CSMD3: variants seen among roughly 807,000 people sequenced by gnomAD.
The protein encoded by CSMD3 is CUB and sushi domain-containing protein 3.
In CSMD3, 177 loss-of-function variants were observed where a neutral mutation model predicts 435.2. The observed-to-expected ratio is 0.41, with a 90% CI of 0.36 to 0.46. The LOEUF (loss-of-function observed/expected upper bound fraction) is 0.46, where lower values mean the gene tolerates loss of function less well. Ranked by LOEUF, CSMD3 falls within the 20% of genes least tolerant of loss-of-function variation. The pLI is 0.34. For missense variants in CSMD3, 4,265 were observed against 4,504.6 expected, an observed-to-expected ratio of 0.95 and a Z score of 1.52; for synonymous variants, 1,656 against 1,520.5, an observed-to-expected ratio of 1.09 and a Z score of -2.07.
chr8:113,027,847 T>C (rs572023570), intron 5 of CSMD3, among the ~76,000 whole-genome samples: 2 of 152,206 alleles, frequency 1.3e-5, no homozygotes, highest in South Asian at 4.1e-4. Context: ...ATGGATCTTA[T>C]AGATCTGGGT....
chr8:112,348,621 G>T (rs1323318291), intron 40 of CSMD3, among the ~76,000 whole-genome samples: 1 of 152,068 alleles, frequency 6.6e-6, no homozygotes, highest in African/African-American at 2.4e-5. Flanking sequence ...AATGGGTCAG[G>T]TGCGGTGGTT....
At chr8:113,161,935 A>G (rs954502840) in intron 4 of CSMD3, among the ~76,000 whole-genome samples, 2 of 152,190 alleles carry the variant, frequency 1.3e-5, no homozygotes, top group Non-Finnish European at 2.9e-5. Context: ...TACACGTTAT[A>G]CATGACTAAA....
intron 13 of CSMD3, among the ~76,000 whole-genome samples, chr8:112,708,467 G>A (rs941838210): frequency 7.2e-5 from 11 of 151,898 alleles, no homozygotes; most frequent in Admixed American, 6.6e-4. Flanking sequence ...GATTCATTTT[G>A]GAATAATTAA....
At chr8:112,495,113 G>T (rs372593133) in intron 30 of CSMD3, among the ~76,000 whole-genome samples, 1 of 152,156 alleles carries the variant, frequency 6.6e-6, no homozygotes, top group African/African-American at 2.4e-5. Context: ...TGGGCATTTA[G>T]TGATGCAAGG....
At chr8:112,624,458 A>T (rs1834326304) in intron 22 of CSMD3, among the ~76,000 whole-genome samples, 1 of 152,106 alleles carries the variant, frequency 6.6e-6, no homozygotes, top group Non-Finnish European at 1.5e-5. Context: ...ACAATTCTGG[A>T]CAATTCAAAT....
At chr8:112,837,292 T>A (rs1200562341) in intron 11 of CSMD3, among the ~76,000 whole-genome samples, 1 of 151,786 alleles carries the variant, frequency 6.6e-6, no homozygotes, top group Non-Finnish European at 1.5e-5. Context: ...TTTACATAAT[T>A]AGTACAACAT....
At chr8:112,968,476 A>C (rs1314802357) in intron 7 of CSMD3, among the ~76,000 whole-genome samples, 1 of 151,728 alleles carries the variant, frequency 6.6e-6, no homozygotes, top group Non-Finnish European at 1.5e-5. Flanking sequence ...AAAAAAAAAA[A>C]CTGAATGTTA....
At chr8:112,241,305 C>G (rs1311056248) in intron 66 of CSMD3, among the ~76,000 whole-genome samples, 1 of 151,866 alleles carries the variant, frequency 6.6e-6, no homozygotes, top group East Asian at 1.9e-4. Context: ...CTTTTTAAAT[C>G]AAATAACTGA....
chr8:112,388,991 T>C (rs907997224), intron 36 of CSMD3, among the ~76,000 whole-genome samples: 3 of 151,782 alleles, frequency 2.0e-5, no homozygotes, highest in African/African-American at 4.8e-5. Context: ...TCCAAGAAAA[T>C]ATTGGTGTCC....
At chr8:112,248,110 A>G (rs1814923691) in intron 63 of CSMD3, among the ~76,000 whole-genome samples, 1 of 152,114 alleles carries the variant, frequency 6.6e-6, no homozygotes, top group South Asian at 2.1e-4. Flanking sequence ...TTACTTGAAT[A>G]AGTCATATCT....
At chr8:112,847,470 T>G (rs2129662267) in intron 11 of CSMD3, among the ~76,000 whole-genome samples, 1 of 152,176 alleles carries the variant, frequency 6.6e-6, no homozygotes, top group South Asian at 2.1e-4. Flanking sequence ...GAGGCTTGGA[T>G]TTTGTCTGAA....
intron 12 of CSMD3, among the ~76,000 whole-genome samples, chr8:112,818,039 G>C (rs1046248409): frequency 4.0e-5 from 6 of 151,162 alleles, no homozygotes; most frequent in African/African-American, 1.5e-4. Context: ...CTTTGTAACT[G>C]ATTTTTTTTT....
rs1357514892 is a variant in CSMD3 at position 113,355,749 on chromosome 8, T to TATATACACACAC, written c.179-40957_179-40956insGTGTGTGTATAT. 4.7e-3 allele frequency among the ~76,000 whole-genome samples: 382 copies of TATATACACACAC among 81,296 alleles called. 4 individuals carry two copies. The highest frequency in any genetic ancestry group is 0.02 in the African/African-American group (366 of 17,968). The allele number at this position is 81,296 out of a possible 152,430, so 53.3% of individuals were successfully genotyped here. ...ATATATATATATATATATATATATA[T>TATATACACACAC]ACACACACACACACACACGGGGTGT... On this transcript the variant is annotated intron_variant, in intron 1 of 70. Transcript: ENST00000297405.
chr8:113,160,121 AAAC>A (rs2092010564), intron 4 of CSMD3, among the ~76,000 whole-genome samples: 1 of 152,008 alleles, frequency 6.6e-6, no homozygotes, highest in Non-Finnish European at 1.5e-5. Flanking sequence ...AAATTTATAG[AAAC>A]AAGAGTTTTT....
chr8:112,639,555 G>A (rs534869329), intron 20 of CSMD3, among the ~76,000 whole-genome samples: 44 of 152,118 alleles, frequency 2.9e-4, no homozygotes, highest in African/African-American at 1.0e-3. Context: ...AACACCCAGC[G>A]CCTTCTTTAT....
chr8:113,243,098 T>C (rs2093237376), intron 3 of CSMD3, among the ~76,000 whole-genome samples: 1 of 151,664 alleles, frequency 6.6e-6, no homozygotes, highest in African/African-American at 2.4e-5. Flanking sequence ...TTTAATTTCA[T>C]TTGCATATTT....
chr8:113,157,310 T>C (rs2091953817), intron 4 of CSMD3, among the ~76,000 whole-genome samples: 1 of 152,126 alleles, frequency 6.6e-6, no homozygotes, highest in Non-Finnish European at 1.5e-5. Flanking sequence ...TCATGCTGTT[T>C]GCTGTGCTTT....
chr8:112,262,415 AC>A lies in CSMD3; in HGVS notation c.9862+1223del, dbSNP rs58406345. Among the ~76,000 whole-genome samples the A allele has an allele frequency of 4.7e-3, 672 of 143,608 alleles. 6 individuals carry two copies. Among genetic ancestry groups the A allele is most frequent in the African/African-American group, 0.019 (644 of 33,366 alleles). 94.2% of individuals were successfully genotyped at this position (143,608 alleles called of 152,430 possible). A position where few individuals can be genotyped will look rare whatever the true frequency, so the allele number is the denominator to read the frequency against. The stretch of plus-strand genomic sequence containing the variant: ...TTCCAGGGACAGAGCAGTGAATAAA[AC>A]AAAAAAAATTCTCTGCTTTCAGGGA... On this transcript the variant is annotated intron_variant, in intron 61 of 70. Transcript: ENST00000297405.
intron 6 of CSMD3, among the ~76,000 whole-genome samples, chr8:112,982,159 G>A (rs897519207): frequency 6.6e-6 from 1 of 151,822 alleles, no homozygotes; most frequent in South Asian, 2.1e-4. Context: ...AGGTTTCTCC[G>A]ATGTGTAGAG....
Sources: gnomAD v4.1 joint callset for allele counts (sites outside exome capture counted in the v4.1 genomes callset) on GRCh38, gnomAD v4.1.1 for gene constraint, MANE v1.5 for transcripts, NCBI Gene and HGNC (gene_info 2026-07-23, HGNC 2026-07-21) for gene names.